LDLRAD3: variants seen among roughly 807,000 people sequenced by gnomAD.
LDLRAD3 encodes low-density lipoprotein receptor class A domain-containing protein 3.
LDLRAD3 carries 20 observed loss-of-function variants against 29.4 expected under a neutral mutation model. The observed-to-expected ratio is 0.68, with a 90% CI of 0.48 to 0.99. The LOEUF is 0.99. Ranked by LOEUF, LDLRAD3 falls within the 50% of genes least tolerant of loss-of-function variation. The pLI is 0.00. For synonymous variants in LDLRAD3, 157 were observed against 192.7 expected (o/e 0.81, Z 1.53); for missense variants, 420 against 454.3 (o/e 0.92, Z 0.69).
intron 1 of LDLRAD3, among the ~76,000 whole-genome samples, chr11:36,000,216 T>TGTATATATG (rs1851806141): frequency 6.7e-6 from 1 of 150,372 alleles, no homozygotes; most frequent in African/African-American, 2.4e-5. Context: ...GCATATATTT[T>TGTATATATG]TGTATATATG....
chr11:36,092,460 T>A (rs1184516515), intron 3 of LDLRAD3, among the ~76,000 whole-genome samples: 1 of 152,168 alleles, frequency 6.6e-6, no homozygotes, highest in Non-Finnish European at 1.5e-5. Context: ...TGGTTTCCTT[T>A]TATCTCACTC....
chr11:36,165,384 G>A (rs1180437281), intron 4 of LDLRAD3, among the ~76,000 whole-genome samples: 13 of 151,676 alleles, frequency 8.6e-5, no homozygotes, highest in Non-Finnish European at 1.5e-4. Context: ...ACTTCCTTAG[G>A]ATAGATTACC....
At chr11:36,155,367 A>T (rs1284554911) in intron 4 of LDLRAD3, among the ~76,000 whole-genome samples, 1 of 152,242 alleles carries the variant, frequency 6.6e-6, no homozygotes, top group Non-Finnish European at 1.5e-5. Context: ...AGAAATTCCA[A>T]ATTATTTTCT....
intron 1 of LDLRAD3, among the ~76,000 whole-genome samples, chr11:36,022,197 C>T (rs1852106407): frequency 6.6e-6 from 1 of 152,208 alleles, no homozygotes; most frequent in Admixed American, 6.5e-5. Context: ...TCCTTTTACA[C>T]TTCAGATCAC....
chr11:35,974,454 A>G (rs528523120), intron 1 of LDLRAD3, among the ~76,000 whole-genome samples: 1 of 152,304 alleles, frequency 6.6e-6, no homozygotes, highest in African/African-American at 2.4e-5. Context: ...TTACTATGTC[A>G]CAGTTTCTGC....
At chr11:36,100,360 A>G (rs1853427899) in intron 4 of LDLRAD3, among the ~76,000 whole-genome samples, 1 of 152,246 alleles carries the variant, frequency 6.6e-6, no homozygotes, top group Admixed American at 6.5e-5. Flanking sequence ...GACACCAAAT[A>G]GGGAACAAGA....
chr11:36,007,021 A>G (rs1851894137), intron 1 of LDLRAD3, among the ~76,000 whole-genome samples: 1 of 152,172 alleles, frequency 6.6e-6, no homozygotes, highest in South Asian at 2.1e-4. Flanking sequence ...AGCCCCACAC[A>G]GTGGGCCTCA....
chr11:36,088,806 C>G (rs529216484), intron 3 of LDLRAD3, among the ~76,000 whole-genome samples: 1 of 152,314 alleles, frequency 6.6e-6, no homozygotes, highest in East Asian at 1.9e-4. Context: ...TTCTGGTTTG[C>G]CAAGGCTGGG....
Position 36,109,593 on chromosome 11 carries a change from T to A in LDLRAD3, c.454+11132T>A, listed in dbSNP as rs1225369147. Among the ~76,000 whole-genome samples the A allele has an allele frequency of 2.0e-5, 3 of 152,156 alleles. No homozygotes were observed. In the East Asian group the frequency reaches 5.8e-4, roughly 29 times the overall value. ...GGGTAATTGAGAGTAAAAGAGCTTATACTTTTGGAATAGAGAGATCTTTGC... is the reference window on the plus strand; with the variant it reads ...GGGTAATTGAGAGTAAAAGAGCTTAAACTTTTGGAATAGAGAGATCTTTGC... On this transcript the variant is annotated intron_variant, in intron 4 of 5. Transcript: ENST00000315571.
chr11:36,137,528 G>A (rs1422890649), intron 4 of LDLRAD3, among the ~76,000 whole-genome samples: 2 of 152,230 alleles, frequency 1.3e-5, no homozygotes, highest in Non-Finnish European at 2.9e-5. Flanking sequence ...CAGTGTAATA[G>A]CAACATGCCA....
At chr11:35,989,888 C>T (rs1252860302) in intron 1 of LDLRAD3, among the ~76,000 whole-genome samples, 3 of 151,980 alleles carry the variant, frequency 2.0e-5, no homozygotes, top group Middle Eastern at 3.2e-3. Context: ...ATTTGGATGC[C>T]CTTCCTTTCT....
intron 2 of LDLRAD3, among the ~76,000 whole-genome samples, chr11:36,042,419 G>A (rs1244483067): frequency 3.3e-5 from 5 of 152,118 alleles, no homozygotes; most frequent in African/African-American, 9.7e-5. Context: ...CTCTTGGGCC[G>A]TTCTGTCATT....
chr11:36,155,761 G>A (rs1105373), intron 4 of LDLRAD3, among the ~76,000 whole-genome samples: 31,840 of 152,110 alleles, frequency 0.21, 4,197 homozygotes, highest in African/African-American at 0.35. Flanking sequence ...AGGGGTACCC[G>A]CCTGGCTCAT....
intron 1 of LDLRAD3, among the ~76,000 whole-genome samples, chr11:35,993,941 C>T (rs1381298433): frequency 6.6e-6 from 1 of 152,076 alleles, no homozygotes; most frequent in Admixed American, 6.6e-5. Context: ...AGGACGTTTT[C>T]CCACGTTATT....
chr11:36,046,041 C>T lies in LDLRAD3; in HGVS notation c.193+9792C>T, dbSNP rs187904158. Reference sequence around the variant, plus strand: ...ATGCATACCCATTGTTCAACTCCCACTTATGAGTGAGAACATGTGGTGTTT... The same window carrying T: ...ATGCATACCCATTGTTCAACTCCCATTTATGAGTGAGAACATGTGGTGTTT... On this transcript the variant is annotated intron_variant, in intron 2 of 5. Coordinates refer to ENST00000315571, the MANE Select transcript of LDLRAD3 (RefSeq NM_174902.4). Among the ~76,000 whole-genome samples the T allele has an allele frequency of 6.2e-3, 946 of 152,158 alleles. 15 individuals carry two copies. The highest frequency in any genetic ancestry group is 0.022 in the African/African-American group (906 of 41,512).
Position 36,122,401 on chromosome 11 carries a change from G to C in LDLRAD3, c.454+23940G>C, listed in dbSNP as rs188396840. Among the ~76,000 whole-genome samples, 74 of 152,262 alleles carry C rather than the reference G, an allele frequency of 4.9e-4. 1 individual carries two copies. The highest frequency in any genetic ancestry group is 6.8e-3 in the Middle Eastern group (2 of 294). Reference sequence around the variant, plus strand: ...GATGAAGCCACCTCCCCAAGCCTCAGATTTTCCATCTGAAAAATGGAAACA... The same window carrying C: ...GATGAAGCCACCTCCCCAAGCCTCACATTTTCCATCTGAAAAATGGAAACA... On this transcript the variant is annotated intron_variant, in intron 4 of 5. Transcript: ENST00000315571.
chr11:36,227,319 A>G lies in LDLRAD3; in HGVS notation c.689A>G (p.Asn230Ser). The G allele has an allele frequency of 6.2e-7, 1 of 1,614,182 alleles. No homozygotes were observed. Among genetic ancestry groups the G allele is most frequent in the Non-Finnish European group, 8.5e-7 (1 of 1,180,016 alleles). ...GTCCTGGACCACCCCCACCACTGCA[A>G]CGTCACCTACAACGTCAATAATGGC... Reference protein sequence around the residue: ...LVVLDHPHHCNVTYNVNNGIQ... With the variant: ...LVVLDHPHHCSVTYNVNNGIQ... The change falls in exon 5 of 6, where the codon AAC becomes AGC. Residue 230 changes from asparagine to serine, a missense_variant. Coordinates refer to ENST00000315571, the MANE Select transcript of LDLRAD3 (RefSeq NM_174902.4).
chr11:36,112,507 C>A (rs561992031), intron 4 of LDLRAD3, among the ~76,000 whole-genome samples: 1 of 152,326 alleles, frequency 6.6e-6, no homozygotes, highest in Admixed American at 6.5e-5. Context: ...CACTCATGAC[C>A]TTTGGAAGGG....
chr11:36,189,520 A>G (rs981580441), intron 4 of LDLRAD3, among the ~76,000 whole-genome samples: 1 of 144,904 alleles, frequency 6.9e-6, no homozygotes, highest in Non-Finnish European at 1.5e-5. Flanking sequence ...CTTGTCCTTT[A>G]GCTATCACCC....
Sources: gnomAD v4.1 joint callset for allele counts (sites outside exome capture counted in the v4.1 genomes callset) on GRCh38, gnomAD v4.1.1 for gene constraint, MANE v1.5 for transcripts, NCBI Gene and HGNC (gene_info 2026-07-23, HGNC 2026-07-21) for gene names.